DOP1B: variants seen among roughly 807,000 people sequenced by gnomAD.
DOP1B encodes DOP1 leucine zipper like protein B, also known as protein DOP1B.
A neutral mutation model predicts 233.5 loss-of-function variants in DOP1B; 174 were observed. The observed-to-expected ratio is 0.75, with a 90% confidence interval of 0.66 to 0.85. DOP1B has a LOEUF of 0.85. Among genes scored for constraint, DOP1B ranks in the 40% least tolerant of loss-of-function variants. DOP1B has a pLI of 0.00. For missense variants in DOP1B, 2,652 were observed against 2,846.6 expected (o/e 0.93, Z 1.56); for synonymous variants, 1,190 against 1,185.6 (o/e 1.00, Z -0.08).
At chr21:36,253,962 G>A (rs1569053745) in intron 23 of DOP1B, 53 bp downstream of exon 23, 11 of 1,586,396 alleles carry the variant, frequency 6.9e-6, no homozygotes, top group Non-Finnish European at 9.4e-6. Flanking sequence ...GGTGGCATTT[G>A]TCATAACTCT....
chr21:36,277,228 A>C, intron 28 of DOP1B, 128 bp downstream of exon 28: 2 of 869,830 alleles, frequency 2.3e-6, no homozygotes, highest in South Asian at 1.6e-5. Flanking sequence ...CTCGTCCATC[A>C]GGCAGCATTG....
intron 26 of DOP1B, among the ~76,000 whole-genome samples, chr21:36,267,685 G>C (rs1229284803): frequency 7.7e-6 from 1 of 130,428 alleles, no homozygotes; most frequent in African/African-American, 3.0e-5. Flanking sequence ...CTCACCCCCA[G>C]TATTTCAATG....
At chr21:36,270,276 G>A (rs1194445688) in intron 27 of DOP1B, 119 bp downstream of exon 27, 1 of 1,209,614 alleles carries the variant, frequency 8.3e-7, no homozygotes, top group Non-Finnish European at 1.2e-6. Context: ...AGGTAGGCTG[G>A]GTGCGGTGGC....
chr21:36,240,448 C>T (rs1008648048), intron 18 of DOP1B, among the ~76,000 whole-genome samples: 1 of 152,056 alleles, frequency 6.6e-6, no homozygotes, highest in African/African-American at 2.4e-5. Context: ...CCACTGCACT[C>T]CAGCCTGGGT....
At chr21:36,183,234 A>T (rs1257801764) in intron 2 of DOP1B, among the ~76,000 whole-genome samples, 2 of 152,158 alleles carry the variant, frequency 1.3e-5, no homozygotes, top group Non-Finnish European at 2.9e-5. Flanking sequence ...TGTCCAGTAG[A>T]TGCCAGTATC....
intron 18 of DOP1B, among the ~76,000 whole-genome samples, chr21:36,243,599 A>T (rs1233709547): frequency 6.6e-6 from 1 of 152,004 alleles, no homozygotes; most frequent in Middle Eastern, 3.2e-3. Flanking sequence ...AGACTTTCCT[A>T]GTGGCTGTGT....
chr21:36,199,380 C>T, intron 3 of DOP1B, 129 bp downstream of exon 3: 1 of 1,195,622 alleles, frequency 8.4e-7, no homozygotes, highest in Non-Finnish European at 1.1e-6. Flanking sequence ...ATCATAAAGC[C>T]ATCACCAGGA....
At chr21:36,226,783 G>T (rs184967037) in intron 12 of DOP1B, among the ~76,000 whole-genome samples, 2 of 152,050 alleles carry the variant, frequency 1.3e-5, no homozygotes, top group East Asian at 1.9e-4. Context: ...TTGTAGAGAT[G>T]GGGTCTCACT....
At chr21:36,260,855 T>TA (rs989625386) in intron 24 of DOP1B, 123 bp downstream of exon 24, 3 of 1,528,394 alleles carry the variant, frequency 2.0e-6, no homozygotes, top group African/African-American at 2.8e-5. Context: ...GAAAATATCT[T>TA]AAAGTTGTCA....
rs144743592 is a variant in DOP1B at position 36,202,532 on chromosome 21, C to T, written c.491+2031C>T. Among the ~76,000 whole-genome samples, 553 of 152,308 alleles carry T rather than the reference C, an allele frequency of 3.6e-3. 1 individual carries two copies. Among genetic ancestry groups the T allele is most frequent in the Middle Eastern group, 6.8e-3 (2 of 294 alleles). On this transcript the variant is annotated intron_variant, in intron 4 of 36. Coordinates refer to ENST00000691173, the MANE Select transcript of DOP1B (RefSeq NM_001320714.2). ...ATCAATCCAAGGTCCATTTGCACGG[C>T]TCCCCCAGCCTTAAGTAAACCAAGT... is the stretch of plus-strand genomic sequence containing the variant.
chr21:36,230,050 G>C (rs1427625288), intron 13 of DOP1B, among the ~76,000 whole-genome samples: 1 of 151,284 alleles, frequency 6.6e-6, no homozygotes, highest in African/African-American at 2.4e-5. Flanking sequence ...TTCTCGCTCT[G>C]TTGTCCAGAG....
intron 32 of DOP1B, among the ~76,000 whole-genome samples, chr21:36,283,825 G>C (rs1331595722): frequency 6.6e-6 from 1 of 151,920 alleles, no homozygotes; most frequent in East Asian, 1.9e-4. Flanking sequence ...GGCCCTAAGG[G>C]AAGCAGTAAG....
intron 10 of DOP1B, among the ~76,000 whole-genome samples, chr21:36,221,136 T>G (rs918275203): frequency 2.6e-5 from 4 of 151,516 alleles, no homozygotes; most frequent in South Asian, 2.1e-4. Flanking sequence ...AAATGCAAGT[T>G]GTGAGTAGCT....
At position 36,162,508 on chromosome 21, in the gene DOP1B, C is replaced by T. The variant is rs181525890; in HGVS notation, c.-26-2200C>T. ...AGCTGGTGTCCCTTTTAAAAGAGCA[C>T]TAATCCCATGACATAATCACCTCCC... On this transcript the variant is annotated intron_variant, in intron 1 of 36. Coordinates refer to ENST00000691173, the MANE Select transcript of DOP1B (RefSeq NM_001320714.2). Among the ~76,000 whole-genome samples, 37 of 152,178 alleles carry T rather than the reference C, an allele frequency of 2.4e-4. No homozygotes were observed. In the East Asian group the frequency reaches 6.4e-3, roughly 26 times the overall value.
chr21:36,208,879 T>C lies in DOP1B; in HGVS notation c.656T>C (p.Met219Thr). The change falls in exon 5 of 37, where the codon ATG (methionine) becomes ACG (threonine). Residue 219 changes from methionine (M) to threonine (T), a missense_variant. By Grantham distance (81) the Met-to-Thr change is moderately conservative (BLOSUM62 -1). This residue lies in a region of DOP1B where 2,617 missense variants were observed against 2,794.3 expected (regional missense o/e 0.94). Transcript: ENST00000691173. Reference sequence around the variant, plus strand: ...GCCCCCGGCCGGGAGCAGAAGTACATGCTGGGGACCAATCACCAACTCACG... The same window carrying C: ...GCCCCCGGCCGGGAGCAGAAGTACACGCTGGGGACCAATCACCAACTCACG... ...RDAPGREQKY[M>T]LGTNHQLTVK... 6.5e-7 allele frequency: 1 copy of C among 1,546,198 alleles called. No individual in the cohort carries two copies. Among genetic ancestry groups the C allele is most frequent in the Non-Finnish European group, 8.7e-7 (1 of 1,146,578 alleles).
chr21:36,235,069 A>C (rs2066810383), intron 15 of DOP1B, among the ~76,000 whole-genome samples: 1 of 152,186 alleles, frequency 6.6e-6, no homozygotes, highest in African/African-American at 2.4e-5. Flanking sequence ...GCAGTAGAGT[A>C]CCAAGATTTA....
At chr21:36,241,503 C>CTTTTTT (rs1165636640) in intron 18 of DOP1B, among the ~76,000 whole-genome samples, 20 of 76,490 alleles carry the variant, frequency 2.6e-4, no homozygotes, top group Non-Finnish European at 4.0e-4. Context: ...TTATCTTAAT[C>CTTTTTT]TTTTTTTTTT....
chr21:36,168,945 C>G, intron 2 of DOP1B: 2 of 653,570 alleles, frequency 3.1e-6, no homozygotes, highest in Non-Finnish European at 5.5e-6. Flanking sequence ...TGAGACCCCA[C>G]CAGGTGCAAA....
intron 18 of DOP1B, among the ~76,000 whole-genome samples, chr21:36,242,703 G>A (rs763625935): frequency 9.2e-5 from 14 of 152,108 alleles, no homozygotes; most frequent in Middle Eastern, 3.4e-3. Flanking sequence ...TGCTACCTCC[G>A]AATAGGAGAG....
Sources: gnomAD v4.1 joint callset for allele counts (sites outside exome capture counted in the v4.1 genomes callset) on GRCh38, gnomAD v4.1.1 for gene constraint, gnomAD v4.1.1 regional missense constraint, MANE v1.5 for transcripts, NCBI Gene and HGNC (gene_info 2026-07-23, HGNC 2026-07-21) for gene names.